The following NEO1 variants were observed in gnomAD, a reference collection of about 807,000 sequenced individuals.
NEO1 encodes neogenin 1.
In NEO1, 63 loss-of-function variants were observed where a neutral mutation model predicts 159.7. The ratio of observed to expected loss-of-function variants is 0.39; its 90% CI spans 0.32 to 0.49. The LOEUF is 0.49. NEO1 is among the 20% of genes least tolerant of loss of function. NEO1 has a pLI of 0.85. For synonymous variants in NEO1, 633 were observed against 662.0 expected (o/e 0.96, Z 0.67); for missense variants, 1,615 against 1,831.0 (o/e 0.88, Z 2.15).
intron 7 of NEO1, among the ~76,000 whole-genome samples, chr15:73,213,080 C>T (rs1010186239): frequency 3.3e-5 from 5 of 152,020 alleles, no homozygotes; most frequent in Non-Finnish European, 4.4e-5. Flanking sequence ...TACTTCTGTA[C>T]CATATGTATT....
rs780801893 is a variant in NEO1, at chr15:73,126,429, T to C, written c.737T>C (p.Ile246Thr). Residue 246 changes from isoleucine to threonine, a missense_variant, in exon 4 of 29, where the codon ATA becomes ACA. Around this residue, in one of 3 missense-constraint regions of NEO1, gnomAD observed 1,018 missense variants for 1,115.4 expected, o/e 0.91. Transcript: ENST00000261908. ...ELKVLPDPEVISDLVFLKQPS... is the reference protein window; with the variant it reads ...ELKVLPDPEVTSDLVFLKQPS... Reference sequence around the variant, plus strand: ...TTTTTTTTTTTAGATCCTGAGGTGATATCAGACTTGGTATTTTTGAAACAG... The same window carrying C: ...TTTTTTTTTTTAGATCCTGAGGTGACATCAGACTTGGTATTTTTGAAACAG... The C allele has an allele frequency of 5.7e-6, 9 of 1,592,358 alleles. No individual in the cohort carries two copies. The Admixed American group carries it at 1.6e-4, about 28-fold the overall frequency.
chr15:73,221,527 C>G (rs1026268278), intron 7 of NEO1, among the ~76,000 whole-genome samples: 1 of 152,084 alleles, frequency 6.6e-6, no homozygotes, highest in Non-Finnish European at 1.5e-5. Context: ...GCCCTGCCCC[C>G]AGAGGTGGAG....
intron 7 of NEO1, among the ~76,000 whole-genome samples, chr15:73,185,645 T>G (rs747626518): frequency 6.6e-6 from 1 of 152,166 alleles, no homozygotes; most frequent in Non-Finnish European, 1.5e-5. Flanking sequence ...CCCAGATGAG[T>G]TGAAAATTTA....
chr15:73,156,693 T>G (rs1461237788), intron 5 of NEO1, among the ~76,000 whole-genome samples: 1 of 152,198 alleles, frequency 6.6e-6, no homozygotes, highest in Non-Finnish European at 1.5e-5. Context: ...ATGCCTAACC[T>G]CTGTTTCTGA....
chr15:73,136,068 C>T, intron 5 of NEO1, 41 bp downstream of exon 5: 1 of 1,530,654 alleles, frequency 6.5e-7, no homozygotes, highest in Non-Finnish European at 8.8e-7. Flanking sequence ...ATCCTGTGTA[C>T]TTTCTGGGTC....
At chr15:73,061,769 A>T (rs1323036308) in intron 1 of NEO1, among the ~76,000 whole-genome samples, 1 of 152,236 alleles carries the variant, frequency 6.6e-6, no homozygotes, top group Non-Finnish European at 1.5e-5. Context: ...TACTTAAAAT[A>T]TCTGGTACAT....
At chr15:73,245,402 T>A (rs956729220) in intron 9 of NEO1, among the ~76,000 whole-genome samples, 1 of 152,204 alleles carries the variant, frequency 6.6e-6, no homozygotes, top group Non-Finnish European at 1.5e-5. Flanking sequence ...GACGTGAGTG[T>A]CAATCAGGTT....
At chr15:73,119,951 A>G (rs570889812) in intron 2 of NEO1, among the ~76,000 whole-genome samples, 1 of 152,260 alleles carries the variant, frequency 6.6e-6, no homozygotes, top group African/African-American at 2.4e-5. Flanking sequence ...AGCCTGACCA[A>G]CATGGTGAAA....
chr15:73,094,125 A>G (rs4325518), intron 1 of NEO1, among the ~76,000 whole-genome samples: 3 of 151,984 alleles, frequency 2.0e-5, no homozygotes, highest in East Asian at 3.9e-4. Flanking sequence ...AAAATGTGCA[A>G]CTCAGTAGCT....
intron 26 of NEO1, among the ~76,000 whole-genome samples, chr15:73,294,149 G>A (rs1390927375): frequency 1.3e-5 from 2 of 152,180 alleles, no homozygotes; most frequent in African/African-American, 4.8e-5. Flanking sequence ...CCTCTGAAGT[G>A]TATTTAAAGA....
chr15:73,186,184 T>C (rs201495775), intron 7 of NEO1, among the ~76,000 whole-genome samples: 7 of 144,258 alleles, frequency 4.9e-5, no homozygotes, highest in Non-Finnish European at 7.6e-5. Flanking sequence ...AAAAAAAAAA[T>C]GTGAGCTAGA....
At chr15:73,069,716 A>G (rs191058695) in intron 1 of NEO1, among the ~76,000 whole-genome samples, 2 of 152,216 alleles carry the variant, frequency 1.3e-5, no homozygotes, top group Non-Finnish European at 2.9e-5. Flanking sequence ...GATATAATTT[A>G]CCCATGTTAC....
chr15:73,293,395 A>G lies in NEO1; in HGVS notation c.3748A>G (p.Ile1250Val). The change falls in exon 26 of 29, where the codon ATT becomes GTT. Residue 1250 changes from isoleucine to valine, a missense_variant. Physicochemically the swap from Ile to Val is conservative, Grantham distance 29. This residue lies in a region of NEO1 where 471 missense variants were observed against 498.9 expected (regional missense o/e 0.94). Coordinates refer to ENST00000261908, the MANE Select transcript of NEO1 (RefSeq NM_002499.4). ...TGTCTTGTGTTCATTCACAGCTGTGATTAGTGCCCATCCCATCCATTCCCT... is the reference window on the plus strand; with the variant it reads ...TGTCTTGTGTTCATTCACAGCTGTGGTTAGTGCCCATCCCATCCATTCCCT... Reference protein sequence around the residue: ...PFDSQPPQPVISAHPIHSLDN... With the variant: ...PFDSQPPQPVVSAHPIHSLDN... 6.2e-7 allele frequency: 1 copy of G among 1,614,106 alleles called. No homozygotes were observed. Among genetic ancestry groups the G allele is most frequent in the Non-Finnish European group, 8.5e-7 (1 of 1,180,020 alleles).
intron 1 of NEO1, among the ~76,000 whole-genome samples, chr15:73,077,563 T>C (rs888631531): frequency 4.6e-5 from 7 of 152,242 alleles, no homozygotes; most frequent in Admixed American, 2.0e-4. Context: ...AAATAGTTTG[T>C]GTTCTCTGAA....
chr15:73,057,882 A>G, intron 1 of NEO1, among the ~76,000 whole-genome samples: 1 of 152,216 alleles, frequency 6.6e-6, no homozygotes, highest in South Asian at 2.1e-4. Context: ...TTAAAAATAC[A>G]TAAATATATG....
intron 5 of NEO1, among the ~76,000 whole-genome samples, chr15:73,161,510 AT>A (rs1222223925): frequency 6.6e-6 from 1 of 152,158 alleles, no homozygotes; most frequent in Non-Finnish European, 1.5e-5. Context: ...TCTCCCCACC[AT>A]TTCCATGTCT....
intron 1 of NEO1, among the ~76,000 whole-genome samples, chr15:73,094,510 T>G (rs1163496378): frequency 6.6e-6 from 1 of 152,246 alleles, no homozygotes; most frequent in African/African-American, 2.4e-5. Context: ...TTGGCTATTA[T>G]GAATAATGCT....
At position 73,270,039 on chromosome 15, in the gene NEO1, A is replaced by G. The variant is rs948463926; in HGVS notation, c.2524A>G (p.Asn842Asp). ...TTCTGAAGTTGATTTATTTGTTATT[A>G]ATGCTCCATACACTCCAGTGCCAGA... Reference protein sequence around the residue: ...DTSEVDLFVINAPYTPVPDPT... With the variant: ...DTSEVDLFVIDAPYTPVPDPT... The change falls in exon 17 of 29, where the codon AAT becomes GAT. Residue 842 changes from asparagine (N) to aspartate (D), a missense_variant. Transcript: ENST00000261908. The G allele has an allele frequency of 1.2e-6, 2 of 1,613,930 alleles. No homozygotes were observed. Among genetic ancestry groups the G allele is most frequent in the Non-Finnish European group, 1.7e-6 (2 of 1,179,972 alleles).
At position 73,126,403 on chromosome 15, in the gene NEO1, T is replaced by G; in HGVS notation, c.725-14T>G. 1 of 1,539,126 alleles carries G rather than the reference T, an allele frequency of 6.5e-7. No homozygotes were observed. The highest frequency in any genetic ancestry group is 1.2e-5 in the South Asian group (1 of 81,620). On this transcript the variant is annotated splice_polypyrimidine_tract_variant and intron_variant, in intron 3 of 28. Coordinates refer to ENST00000261908, the MANE Select transcript of NEO1 (RefSeq NM_002499.4). ...CCTTTAATTATTGTCTTTGTTAATT[T>G]TTTTTTTTTTTAGATCCTGAGGTGA...
Sources: allele counts gnomAD v4.1 joint callset (sites outside exome capture counted in the v4.1 genomes callset), GRCh38; gene constraint gnomAD v4.1.1; regional missense constraint gnomAD v4.1.1; transcripts MANE v1.5; gene names NCBI Gene and HGNC (gene_info 2026-07-23, HGNC 2026-07-21).